Variants in CTDNEP1 observed in about 807,000 individuals in gnomAD.
The protein encoded by CTDNEP1 is CTD nuclear envelope phosphatase 1.
Under a neutral mutation model 30.1 loss-of-function variants are expected in CTDNEP1, and 3 were observed. That is an observed-to-expected ratio of 0.10 (90% confidence interval 0.05 to 0.26). The LOEUF (loss-of-function observed/expected upper bound fraction) is 0.26, where lower values mean the gene tolerates loss of function less well. Ranked by LOEUF, CTDNEP1 falls within the 10% of genes least tolerant of loss-of-function variation. CTDNEP1 has a pLI of 1.00. For synonymous variants in CTDNEP1, 123 were observed against 118.8 expected (o/e 1.04, Z -0.23); for missense variants, 158 against 310.4 (o/e 0.51, Z 3.69).
chr17:7,244,950 G>C (rs528294952), intron 6 of CTDNEP1: 1 of 260,440 alleles, frequency 3.8e-6, no homozygotes, highest in South Asian at 4.5e-5. Context: ...TTGAGCTCAG[G>C]AGTTTGAGTC....
Position 7,243,879 on chromosome 17 carries a change from C to CT in CTDNEP1, c.*305dup. On this transcript the variant is annotated 3_prime_UTR_variant, in exon 8 of 8. Transcript: ENST00000574322. The stretch of plus-strand genomic sequence containing the variant: ...TTGAGCCTCCTGGATCACCGTATGT[C>CT]TGTCACTCTGGCCAGTCCTGCCTCT... The CT allele has an allele frequency of 2.6e-6, 3 of 1,151,946 alleles. No homozygotes were observed. The highest frequency in any genetic ancestry group is 3.3e-6 in the Non-Finnish European group (3 of 907,510). 71.4% of individuals were successfully genotyped at this position (1,151,946 alleles called of 1,614,324 possible).
Position 7,244,154 on chromosome 17 carries a change from C to A in CTDNEP1, c.*31G>T, listed in dbSNP as rs779755424. ...AAGGGCTCGCCCTCCCTTTCCCCCC[C>A]ACCCCAACTCAGGTGGAGGGGGAGC... is the stretch of plus-strand genomic sequence containing the variant. On this transcript the variant is annotated 3_prime_UTR_variant, in exon 8 of 8. Coordinates refer to ENST00000574322, the MANE Select transcript of CTDNEP1 (RefSeq NM_001143775.2). 32 of 1,613,110 alleles carry A rather than the reference C, an allele frequency of 2.0e-5. No homozygotes were observed. The highest frequency in any genetic ancestry group is 1.7e-4 in the Middle Eastern group (1 of 6,040).
At position 7,243,970 on chromosome 17, in the gene CTDNEP1, G is replaced by A; in HGVS notation, c.*215C>T. On this transcript the variant is annotated 3_prime_UTR_variant, in exon 8 of 8. Transcript: ENST00000574322. Reference sequence around the variant, plus strand: ...TCCCAGTCTGGGGTTTCCATGGAGTGTGAACACGAAGTTAAGAGTGAGGCT... The same window carrying A: ...TCCCAGTCTGGGGTTTCCATGGAGTATGAACACGAAGTTAAGAGTGAGGCT... The A allele has an allele frequency of 7.2e-7, 1 of 1,385,776 alleles. No individual in the cohort carries two copies. Among genetic ancestry groups the A allele is most frequent in the Non-Finnish European group, 9.4e-7 (1 of 1,068,230 alleles). 85.8% of individuals were successfully genotyped at this position (1,385,776 alleles called of 1,614,324 possible). A position where few individuals can be genotyped will look rare whatever the true frequency, so the allele number is the denominator to read the frequency against.
upstream of CTDNEP1, chr17:7,251,819 GA>G (rs139127661): frequency 0.54 from 80,724 of 149,084 alleles, 22,801 homozygotes; most frequent in Middle Eastern, 0.7. Flanking sequence ...AAGGAGCAGG[GA>G]AGGAGGGGGA....
At chr17:7,245,613 C>T (rs1053342762) in intron 6 of CTDNEP1, among the ~76,000 whole-genome samples, 1 of 151,830 alleles carries the variant, frequency 6.6e-6, no homozygotes, top group African/African-American at 2.4e-5. Flanking sequence ...ATTCTCCTGC[C>T]TCAGCCTCCC....
Position 7,251,370 on chromosome 17 carries a change from C to G in CTDNEP1, c.-74G>C. 1 of 1,056,740 alleles carries G rather than the reference C, an allele frequency of 9.5e-7. No individual in the cohort carries two copies. The highest frequency in any genetic ancestry group is 1.3e-6 in the Non-Finnish European group (1 of 792,370). 65.5% of individuals were successfully genotyped at this position (1,056,740 alleles called of 1,614,324 possible). A position where few individuals can be genotyped will look rare whatever the true frequency, so the allele number is the denominator to read the frequency against. ...CGCCAGCCCCCCGGGGGCAGCCCCC[C>G]GCCGCCGGGAGGGGGAACGGGGGCC... On this transcript the variant is annotated 5_prime_UTR_variant, in exon 1 of 8. Transcript: ENST00000574322.
In CTDNEP1 at chr17:7,244,215, G is replaced by A; in HGVS notation, c.705C>T (p.Ser235=). ...AGAGCCGATGTTGGTGAAGGTTTCGGCTCAGCACGGAACGAACATCAGCGG... is the reference window on the plus strand; with the variant it reads ...AGAGCCGATGTTGGTGAAGGTTTCGACTCAGCACGGAACGAACATCAGCGG... The part of the protein sequence containing the change: ...RFTADVRSVL[S]RNLHQHRLW The change falls in exon 8 of 8, where the codon AGC becomes AGT. Residue 235 remains serine, a synonymous_variant. Coordinates refer to ENST00000574322, the MANE Select transcript of CTDNEP1 (RefSeq NM_001143775.2). 1 of 1,614,076 alleles carries A rather than the reference G, an allele frequency of 6.2e-7. No individual in the cohort carries two copies. Among genetic ancestry groups the A allele is most frequent in the Non-Finnish European group, 8.5e-7 (1 of 1,180,012 alleles).
chr17:7,246,293 G>A lies in CTDNEP1; in HGVS notation c.438C>T (p.Asp146=). The A allele has an allele frequency of 6.2e-7, 1 of 1,613,828 alleles. No individual in the cohort carries two copies. Among genetic ancestry groups the A allele is most frequent in the Non-Finnish European group, 8.5e-7 (1 of 1,179,782 alleles). The change falls in exon 5 of 8, where the codon GAC becomes GAT. Residue 146 remains aspartate (D), a synonymous_variant. Coordinates refer to ENST00000574322, the MANE Select transcript of CTDNEP1 (RefSeq NM_001143775.2). The surrounding 1 kb of genome is among the most constrained non-coding windows in gnomAD (Gnocchi z 4.9). ...TCCTCTTAAGAATGCTTCTGCTATT[G>A]TCCAGTTTATCTGCCACAGCAGAGC... ...IYGSAVADKL[D]NSRSILKRRY...
chr17:7,245,530 G>A (rs931491510), intron 6 of CTDNEP1, among the ~76,000 whole-genome samples: 10 of 151,132 alleles, frequency 6.6e-5, no homozygotes, highest in Non-Finnish European at 1.0e-4. Context: ...ACGGCGTCTC[G>A]CTCTGTCACC....
Position 7,246,975 on chromosome 17 carries a change from G to A in CTDNEP1, c.288+89C>T. 7.1e-7 allele frequency: 1 copy of A among 1,407,180 alleles called. No individual in the cohort carries two copies. Among genetic ancestry groups the A allele is most frequent in the South Asian group, 1.2e-5 (1 of 85,096 alleles). The allele number at this position is 1,407,180 out of a possible 1,614,324, so 87.2% of individuals were successfully genotyped here. A position where few individuals can be genotyped will look rare whatever the true frequency, so the allele number is the denominator to read the frequency against. ...AGGCTGACACTGGTGCCAGCGGATG[G>A]AGACAGATGCTCTGGGACTGGGAAA... On this transcript the variant is annotated intron_variant, in intron 3 of 7. Coordinates refer to ENST00000574322, the MANE Select transcript of CTDNEP1 (RefSeq NM_001143775.2). This position sits in a 1 kb window ranked among gnomAD's most constrained non-coding sequence, Gnocchi z 4.9.
rs2071823329 is a variant in CTDNEP1, at chr17:7,245,462, CAAAA to C, written c.589+560_589+563del. On this transcript the variant is annotated intron_variant, in intron 6 of 7. Transcript: ENST00000574322. ...CTGGGAACAGAGTGAGACCCTATCT[CAAAA>C]AATAAATAAAAATAAATTTTATTTT... is the stretch of plus-strand genomic sequence containing the variant. Among the ~76,000 whole-genome samples, 4 of 151,390 alleles carry C rather than the reference CAAAA, an allele frequency of 2.6e-5. No homozygotes were observed. The South Asian group carries it at 8.4e-4, about 32-fold the overall frequency.
Position 7,251,350 on chromosome 17 carries a change from GC to G in CTDNEP1, c.-55del. 7 of 1,250,990 alleles carry G rather than the reference GC, an allele frequency of 5.6e-6. No homozygotes were observed. The highest frequency in any genetic ancestry group is 3.2e-5 in the East Asian group (1 of 31,700). 77.5% of individuals were successfully genotyped at this position (1,250,990 alleles called of 1,614,324 possible). ...GGGCCCCCGCGGCCCAGCTCCGCCA[GC>G]CCCCCGGGGGCAGCCCCCCGCCGCC... is the stretch of plus-strand genomic sequence containing the variant. On this transcript the variant is annotated 5_prime_UTR_variant, in exon 1 of 8. Transcript: ENST00000574322.
At chr17:7,247,454 A>T in intron 1 of CTDNEP1, 111 bp from the exon 2 acceptor site, 4 of 778,474 alleles carry the variant, frequency 5.1e-6, no homozygotes, top group Non-Finnish European at 8.5e-6. Flanking sequence ...TATGTAATTT[A>T]GGCTTATTTC....
At chr17:7,249,964 C>A (rs2071891077) in intron 1 of CTDNEP1, among the ~76,000 whole-genome samples, 1 of 151,896 alleles carries the variant, frequency 6.6e-6, no homozygotes, top group African/African-American at 2.4e-5. Context: ...GCATCTCTGA[C>A]CCTAAATTTT....
In CTDNEP1 at chr17:7,244,057, G is replaced by T. The variant is rs1012492151; in HGVS notation, c.*128C>A. ...CCAAGTGGAGTGTAGGGCTCCCAGGGCAGAGAGGGGTGGGAGGGGCAGACC... is the reference window on the plus strand; with the variant it reads ...CCAAGTGGAGTGTAGGGCTCCCAGGTCAGAGAGGGGTGGGAGGGGCAGACC... On this transcript the variant is annotated 3_prime_UTR_variant, in exon 8 of 8. Transcript: ENST00000574322. 1 of 1,489,530 alleles carries T rather than the reference G, an allele frequency of 6.7e-7. No individual in the cohort carries two copies. 92.3% of individuals were successfully genotyped at this position (1,489,530 alleles called of 1,614,324 possible). A position where few individuals can be genotyped will look rare whatever the true frequency, so the allele number is the denominator to read the frequency against.
intron 7 of CTDNEP1, 117 bp from the exon 8 acceptor site, chr17:7,244,362 A>G (rs1376223677): frequency 2.3e-6 from 3 of 1,281,952 alleles, no homozygotes; most frequent in Non-Finnish European, 3.3e-6. Flanking sequence ...ATTCATGATT[A>G]GATAGGTTCA....
intron 1 of CTDNEP1, among the ~76,000 whole-genome samples, chr17:7,248,799 A>T (rs2071877602): frequency 6.6e-6 from 1 of 152,198 alleles, no homozygotes; most frequent in South Asian, 2.1e-4. Flanking sequence ...GTGCACATGG[A>T]GTAGGAGTCG....
chr17:7,243,954 G>C lies in CTDNEP1; in HGVS notation c.*231C>G. On this transcript the variant is annotated 3_prime_UTR_variant, in exon 8 of 8. Coordinates refer to ENST00000574322, the MANE Select transcript of CTDNEP1 (RefSeq NM_001143775.2). ...TAGGCTTCCGCCTGTGTCCCAGTCT[G>C]GGGTTTCCATGGAGTGTGAACACGA... is the stretch of plus-strand genomic sequence containing the variant. 7.3e-7 allele frequency: 1 copy of C among 1,371,762 alleles called. No individual in the cohort carries two copies. Among genetic ancestry groups the C allele is most frequent in the Non-Finnish European group, 9.4e-7 (1 of 1,060,328 alleles). The allele number at this position is 1,371,762 out of a possible 1,614,324, so 85.0% of individuals were successfully genotyped here. A position where few individuals can be genotyped will look rare whatever the true frequency, so the allele number is the denominator to read the frequency against.
intron 2 of CTDNEP1, 40 bp downstream of exon 2, chr17:7,247,237 C>A (rs759788921): frequency 7.5e-6 from 12 of 1,610,672 alleles, no homozygotes; most frequent in Non-Finnish European, 8.5e-7. Context: ...AGAGCTAGCC[C>A]CTACTTCACC....
Sources: gnomAD v4.1 joint callset for allele counts (sites outside exome capture counted in the v4.1 genomes callset) on GRCh38, gnomAD v4.1.1 for gene constraint, Gnocchi (gnomAD v3.1) non-coding constraint, MANE v1.5 for transcripts, NCBI Gene and HGNC (gene_info 2026-07-23, HGNC 2026-07-21) for gene names.